Variants in MAGI2 observed in about 807,000 individuals in gnomAD.
MAGI2 encodes membrane-associated guanylate kinase, WW and PDZ domain-containing protein 2.
A neutral mutation model predicts 133.3 loss-of-function variants in MAGI2; 35 were observed. The observed-to-expected ratio is 0.26, with a 90% CI of 0.20 to 0.35. The LOEUF is 0.35. Among genes scored for constraint, MAGI2 ranks in the 10% least tolerant of loss-of-function variants. The probability of loss-of-function intolerance (pLI) is 1.00; values close to 1 mark genes in which losing one functional copy is unlikely to be tolerated. For synonymous variants in MAGI2, 729 were observed against 710.6 expected (o/e 1.03, Z -0.41); for missense variants, 1,636 against 1,863.4 (o/e 0.88, Z 2.25).
intron 1 of MAGI2, among the ~76,000 whole-genome samples, chr7:79,088,161 T>C (rs963259972): frequency 4.6e-5 from 7 of 152,096 alleles, no homozygotes; most frequent in Admixed American, 3.3e-4. Context: ...TATCCTCTCT[T>C]ATTTCCTTGA....
At position 78,501,669 on chromosome 7, in the gene MAGI2, C is replaced by T. The variant is rs564030965; in HGVS notation, c.873G>A (p.Lys291=). ...CCTCATTGTCTTCAGGTTTAGTTGGCTTTGTGTCATCCATCTGCTCCTTCA... is the reference window on the plus strand; with the variant it reads ...CCTCATTGTCTTCAGGTTTAGTTGGTTTTGTGTCATCCATCTGCTCCTTCA... ...EELKEQMDDT[K]PTKPEDNEEP... Residue 291 remains lysine (K), a synonymous_variant, in exon 5 of 22, where the codon AAG becomes AAA. Transcript: ENST00000354212. 8 of 1,614,078 alleles carry T rather than the reference C, an allele frequency of 5.0e-6. No homozygotes were observed. The highest frequency in any genetic ancestry group is 1.7e-4 in the Middle Eastern group (1 of 6,060).
intron 1 of MAGI2, among the ~76,000 whole-genome samples, chr7:79,137,071 T>C (rs1175923351): frequency 6.6e-6 from 1 of 152,030 alleles, no homozygotes; most frequent in East Asian, 1.9e-4. Context: ...AACCTCTGCC[T>C]CCCAGGTTCA....
intron 2 of MAGI2, among the ~76,000 whole-genome samples, chr7:78,717,308 C>T (rs112424170): frequency 6.6e-6 from 1 of 151,684 alleles, no homozygotes; most frequent in Non-Finnish European, 1.5e-5. Context: ...AAAGGTAAAA[C>T]GTTACAATTT....
intron 11 of MAGI2, among the ~76,000 whole-genome samples, chr7:78,199,161 C>A (rs1829008214): frequency 6.6e-6 from 1 of 152,172 alleles, no homozygotes; most frequent in Non-Finnish European, 1.5e-5. Flanking sequence ...TATTGGGCCT[C>A]TCTTGTCCAG....
At chr7:79,325,373 G>T (rs1839611802) in intron 1 of MAGI2, among the ~76,000 whole-genome samples, 1 of 152,066 alleles carries the variant, frequency 6.6e-6, no homozygotes, top group African/African-American at 2.4e-5. Context: ...GGAGAAGCAA[G>T]TTTCTAAAGA....
intron 10 of MAGI2, among the ~76,000 whole-genome samples, chr7:78,206,384 C>T (rs578012876): frequency 1.1e-3 from 172 of 151,246 alleles, no homozygotes; most frequent in African/African-American, 3.7e-3. Context: ...CTCCGCCTCC[C>T]GGGTTCCAGC....
intron 1 of MAGI2, among the ~76,000 whole-genome samples, chr7:79,112,161 C>T (rs549623686): frequency 1.3e-5 from 2 of 151,806 alleles, no homozygotes; most frequent in South Asian, 4.2e-4. Context: ...TTGAAAGGGG[C>T]CTCAGGCATC....
At chr7:78,941,895 C>G (rs1801016731) in intron 2 of MAGI2, among the ~76,000 whole-genome samples, 1 of 152,010 alleles carries the variant, frequency 6.6e-6, no homozygotes, top group Non-Finnish European at 1.5e-5. Flanking sequence ...CTATATCAAG[C>G]CTTATCTTGG....
chr7:78,254,427 T>G (rs1351559086), intron 10 of MAGI2: 2 of 152,256 alleles, frequency 1.3e-5, no homozygotes, highest in African/African-American at 4.8e-5. Flanking sequence ...TAATTAGCAA[T>G]GTTTATTTTA....
chr7:79,192,494 C>G (rs978803329), intron 1 of MAGI2, among the ~76,000 whole-genome samples: 4 of 151,756 alleles, frequency 2.6e-5, no homozygotes, highest in African/African-American at 9.7e-5. Flanking sequence ...GGACTGGGAT[C>G]TACAATTGTA....
intron 10 of MAGI2, among the ~76,000 whole-genome samples, chr7:78,219,937 C>T (rs780153312): frequency 5.3e-5 from 8 of 152,302 alleles, no homozygotes; most frequent in African/African-American, 1.9e-4. Context: ...CCATTCTTTC[C>T]ATTGCTGCTA....
intron 1 of MAGI2, among the ~76,000 whole-genome samples, chr7:79,041,097 CA>C (rs1811622712): frequency 6.6e-6 from 1 of 152,064 alleles, no homozygotes; most frequent in Non-Finnish European, 1.5e-5. Context: ...AAATATGTAT[CA>C]AAATCCCACT....
At chr7:79,168,919 T>TAG (rs1825240536) in intron 1 of MAGI2, among the ~76,000 whole-genome samples, 2 of 133,232 alleles carry the variant, frequency 1.5e-5, no homozygotes, top group Admixed American at 7.7e-5. Context: ...TATATATATA[T>TAG]ATATATATAT....
chr7:79,094,985 TAATAAG>T (rs1265560809), intron 1 of MAGI2, among the ~76,000 whole-genome samples: 2 of 152,178 alleles, frequency 1.3e-5, no homozygotes, highest in African/African-American at 4.8e-5. Flanking sequence ...CATTAGCCCC[TAATAAG>T]ACAGTCAGTC....
At chr7:78,903,172 CTTTTTTTTTTTTTTTTTTTTTTT>C (rs10526268) in intron 2 of MAGI2, among the ~76,000 whole-genome samples, 10 of 56,118 alleles carry the variant, frequency 1.8e-4, no homozygotes, top group South Asian at 1.0e-3. Context: ...GTTCCTGAAT[CTTTTTTTTTTTTTTTTTTTTTTT>C]TTTTTTTTTT....
In MAGI2 at chr7:78,651,906, A is replaced by G. The variant is rs539608405; in HGVS notation, c.419-24667T>C. 7.9e-5 allele frequency among the ~76,000 whole-genome samples: 12 copies of G among 152,172 alleles called. No individual in the cohort carries two copies. In the South Asian group the frequency reaches 2.5e-3, roughly 32 times the overall value. On this transcript the variant is annotated intron_variant, in intron 2 of 21. Transcript: ENST00000354212. ...CTAAAAGAGAAAAGAAAAAAAGCCTATGCCTTGACTAGACCAGACACATTA... is the reference window on the plus strand; with the variant it reads ...CTAAAAGAGAAAAGAAAAAAAGCCTGTGCCTTGACTAGACCAGACACATTA...
chr7:78,842,057 A>G (rs541316404), intron 2 of MAGI2, among the ~76,000 whole-genome samples: 1 of 152,118 alleles, frequency 6.6e-6, no homozygotes, highest in South Asian at 2.1e-4. Context: ...TTCCAAAATC[A>G]TTCAGGCATT....
intron 16 of MAGI2, among the ~76,000 whole-genome samples, chr7:78,140,672 C>T (rs1429493121): frequency 6.6e-6 from 1 of 152,160 alleles, no homozygotes; most frequent in Non-Finnish European, 1.5e-5. Flanking sequence ...ATTCCAGTTG[C>T]TTTTCTTTCA....
intron 3 of MAGI2, among the ~76,000 whole-genome samples, chr7:78,619,685 G>C (rs1014618501): frequency 1.3e-5 from 2 of 151,882 alleles, no homozygotes; most frequent in African/African-American, 4.8e-5. Context: ...AGAAGACAAT[G>C]ACACTTCCAT....
Sources: allele counts gnomAD v4.1 joint callset (sites outside exome capture counted in the v4.1 genomes callset), GRCh38; gene constraint gnomAD v4.1.1; transcripts MANE v1.5; gene names NCBI Gene and HGNC (gene_info 2026-07-23, HGNC 2026-07-21).